The following PLD5 variants were observed in gnomAD, a reference collection of about 807,000 sequenced individuals.
PLD5 encodes the protein inactive phospholipase D5.
A neutral mutation model predicts 61.1 loss-of-function variants in PLD5; 36 were observed. The ratio of observed to expected loss-of-function variants is 0.59; its 90% CI spans 0.45 to 0.78. The LOEUF (loss-of-function observed/expected upper bound fraction) is 0.78. Among genes scored for constraint, PLD5 ranks in the 30% least tolerant of loss-of-function variants. The pLI, the probability that PLD5 is intolerant of heterozygous loss-of-function variation, is 0.00. For synonymous variants in PLD5, 243 were observed against 242.8 expected, an observed-to-expected ratio of 1.00 and a Z score of -0.01; for missense variants, 515 against 644.4, an observed-to-expected ratio of 0.80 and a Z score of 2.17.
intron 1 of PLD5, among the ~76,000 whole-genome samples, chr1:242,510,426 A>G (rs1229803144): frequency 6.6e-6 from 1 of 152,206 alleles, no homozygotes; most frequent in Non-Finnish European, 1.5e-5. Context: ...ATATTAGGAT[A>G]CTACATAAAG....
chr1:242,372,445 T>C (rs1045745488), intron 1 of PLD5, among the ~76,000 whole-genome samples: 1 of 152,120 alleles, frequency 6.6e-6, no homozygotes, highest in Non-Finnish European at 1.5e-5. Context: ...AAAATTACTT[T>C]AAAGTTCATA....
chr1:242,413,676 A>G (rs34183341), intron 1 of PLD5, among the ~76,000 whole-genome samples: 67,003 of 152,030 alleles, frequency 0.44, 16,325 homozygotes, highest in African/African-American at 0.66. Flanking sequence ...ATGTGCAGAC[A>G]GCATCAGGGT....
chr1:242,199,113 T>C lies in PLD5; in HGVS notation c.735+20875A>G, dbSNP rs539297683. Among the ~76,000 whole-genome samples the C allele has an allele frequency of 2.0e-5, 3 of 152,352 alleles. No homozygotes were observed. In the East Asian group the frequency reaches 5.8e-4, roughly 29 times the overall value. ...TTACAGAAAATATTGTGAAAATTAA[T>C]TTTCCCTGTTTCTTTTTGCAATTTT... On this transcript the variant is annotated intron_variant, in intron 5 of 9. Transcript: ENST00000536534.
At chr1:242,471,282 T>C (rs1404442965) in intron 1 of PLD5, among the ~76,000 whole-genome samples, 1 of 112,532 alleles carries the variant, frequency 8.9e-6, no homozygotes, top group Non-Finnish European at 1.8e-5. Context: ...GAAATAATTT[T>C]GGAAAAAAAA....
chr1:242,133,066 G>T (rs987393613), intron 5 of PLD5, among the ~76,000 whole-genome samples: 2 of 132,614 alleles, frequency 1.5e-5, no homozygotes, highest in African/African-American at 5.9e-5. Flanking sequence ...CCTTTTCTCT[G>T]CATCACACAA....
At chr1:242,494,087 TCC>T (rs1668275215) in intron 1 of PLD5, among the ~76,000 whole-genome samples, 1 of 99,072 alleles carries the variant, frequency 1.0e-5, no homozygotes, top group Non-Finnish European at 1.9e-5. Context: ...TCCCCTGCCC[TCC>T]CTTCCCCTCT....
chr1:242,436,676 C>T (rs1375006279), intron 1 of PLD5, among the ~76,000 whole-genome samples: 1 of 152,074 alleles, frequency 6.6e-6, no homozygotes, highest in Non-Finnish European at 1.5e-5. Context: ...ATACACTCAC[C>T]TTAAGGGGTT....
intron 3 of PLD5, among the ~76,000 whole-genome samples, chr1:242,266,409 A>G (rs922940163): frequency 1.3e-5 from 2 of 152,184 alleles, no homozygotes; most frequent in African/African-American, 4.8e-5. Flanking sequence ...AGTTTTATCT[A>G]TGGGAGTTTC....
At chr1:242,497,297 T>C (rs1184045083) in intron 1 of PLD5, among the ~76,000 whole-genome samples, 1 of 152,224 alleles carries the variant, frequency 6.6e-6, no homozygotes, top group Non-Finnish European at 1.5e-5. Context: ...GTTGTTGCCA[T>C]ATTTTTAAAA....
chr1:242,101,831 C>A (rs190380218), intron 8 of PLD5, among the ~76,000 whole-genome samples: 18 of 152,194 alleles, frequency 1.2e-4, no homozygotes, highest in Admixed American at 4.6e-4. Context: ...TCCCTTCTAG[C>A]CACAAAAGTT....
At chr1:242,343,901 G>A (rs1857148) in intron 2 of PLD5, among the ~76,000 whole-genome samples, 124,876 of 151,934 alleles carry the variant, frequency 0.82, 51,611 homozygotes, top group Non-Finnish European at 0.86. Context: ...AGAGGAGGAG[G>A]TTCAGGGAGG....
At chr1:242,471,092 T>A (rs1667437010) in intron 1 of PLD5, among the ~76,000 whole-genome samples, 1 of 152,226 alleles carries the variant, frequency 6.6e-6, no homozygotes. Context: ...CTGGTGGAGC[T>A]GGCCTGGGCT....
intron 1 of PLD5, among the ~76,000 whole-genome samples, chr1:242,509,204 C>A (rs1310459438): frequency 6.6e-6 from 1 of 152,018 alleles, no homozygotes; most frequent in African/African-American, 2.4e-5. Context: ...AGGTGAAACC[C>A]CATCTCTACT....
At chr1:242,426,205 TG>T (rs932280119) in intron 1 of PLD5, among the ~76,000 whole-genome samples, 6 of 151,242 alleles carry the variant, frequency 4.0e-5, no homozygotes, top group Admixed American at 3.3e-4. Context: ...CTTATCCCAC[TG>T]GAAGGTAGTC....
rs1211 is a variant in PLD5, at chr1:242,083,169, T to C, written c.*6685A>G. On this transcript the variant is annotated 3_prime_UTR_variant, in exon 10 of 10. Coordinates refer to ENST00000536534, the MANE Select transcript of PLD5 (RefSeq NM_001372062.1). ...TGACTGCAGAAGTAACTGCTGTCAC[T>C]GTTCTCAGAGTCACCATTACGGTGA... 0.46 allele frequency: 69,893 copies of C among 151,974 alleles called. 16,862 individuals are homozygous for C. The highest frequency in any genetic ancestry group is 0.61 in the African/African-American group (25,197 of 41,416). 9.4% of individuals were successfully genotyped at this position (151,974 alleles called of 1,614,324 possible).
rs374438532 is a variant in PLD5 at position 242,419,721 on chromosome 1, T to A, written c.190-71479A>T. On this transcript the variant is annotated intron_variant, in intron 1 of 9. Coordinates refer to ENST00000536534, the MANE Select transcript of PLD5 (RefSeq NM_001372062.1). ...AGCCACCATGCCCGGCCATCCTGAATTTTATTGCCAGCAAGGAGAAGTAAA... is the reference window on the plus strand; with the variant it reads ...AGCCACCATGCCCGGCCATCCTGAAATTTATTGCCAGCAAGGAGAAGTAAA... Among the ~76,000 whole-genome samples the A allele has an allele frequency of 1.9e-4, 29 of 152,124 alleles. 1 individual carries two copies. The highest frequency in any genetic ancestry group is 6.7e-4 in the African/African-American group (28 of 41,490).
intron 5 of PLD5, among the ~76,000 whole-genome samples, chr1:242,168,849 T>TTTTTTTG (rs756431474): frequency 1.4e-5 from 1 of 73,930 alleles, no homozygotes; most frequent in Non-Finnish European, 3.0e-5. Flanking sequence ...TAATGAAGTT[T>TTTTTTTG]TTTTTTTTTT....
At chr1:242,143,090 C>T (rs2148795561) in intron 5 of PLD5, among the ~76,000 whole-genome samples, 1 of 149,880 alleles carries the variant, frequency 6.7e-6, no homozygotes, top group African/African-American at 2.5e-5. Flanking sequence ...TACAGTGGTG[C>T]CATCTCCGCT....
At position 242,087,459 on chromosome 1, in the gene PLD5, G is replaced by T. The variant is rs947096350; in HGVS notation, c.*2395C>A. ...ATGGCTGTGGATGAATACTTCAGGG[G>T]ACAACTTGAGAACTAACAAATTTTA... is the stretch of plus-strand genomic sequence containing the variant. On this transcript the variant is annotated 3_prime_UTR_variant, in exon 10 of 10. Transcript: ENST00000536534. The T allele has an allele frequency of 6.6e-6, 1 of 152,118 alleles. No homozygotes were observed. Among genetic ancestry groups the T allele is most frequent in the African/African-American group, 2.4e-5 (1 of 41,406 alleles). The allele number at this position is 152,118 out of a possible 1,614,324, so 9.4% of individuals were successfully genotyped here. A position where few individuals can be genotyped will look rare whatever the true frequency, so the allele number is the denominator to read the frequency against.
Sources: gnomAD v4.1 joint callset for allele counts (sites outside exome capture counted in the v4.1 genomes callset) on GRCh38, gnomAD v4.1.1 for gene constraint, MANE v1.5 for transcripts, NCBI Gene and HGNC (gene_info 2026-07-23, HGNC 2026-07-21) for gene names.